The following CDK13 variants were observed in gnomAD, a reference collection of about 807,000 sequenced individuals.
CDK13 encodes the protein cyclin dependent kinase 13.
In CDK13, 40 loss-of-function variants were observed where a neutral mutation model predicts 137.6. The ratio of observed to expected loss-of-function variants is 0.29; its 90% confidence interval spans 0.23 to 0.38. The LOEUF is 0.38. CDK13 is among the 10% of genes least tolerant of loss of function. CDK13 has a pLI of 1.00. For synonymous variants in CDK13, 869 were observed against 760.1 expected, an observed-to-expected ratio of 1.14 and a Z score of -2.36; for missense variants, 1,704 against 1,951.8, an observed-to-expected ratio of 0.87 and a Z score of 2.39.
chr7:40,029,818 A>G (rs1785328906), intron 5 of CDK13, among the ~76,000 whole-genome samples: 1 of 151,760 alleles, frequency 6.6e-6, no homozygotes, highest in African/African-American at 2.4e-5. Context: ...GTGCCCTGCT[A>G]ATTTTTTGTA....
rs1239603171 is a variant in CDK13 at position 40,098,820 on chromosome 7, G to A, written c.*3840G>A. 1 of 151,974 alleles carries A rather than the reference G, an allele frequency of 6.6e-6. No individual in the cohort carries two copies. The highest frequency in any genetic ancestry group is 2.4e-5 in the African/African-American group (1 of 41,400). 9.4% of individuals were successfully genotyped at this position (151,974 alleles called of 1,614,324 possible). A position where few individuals can be genotyped will look rare whatever the true frequency, so the allele number is the denominator to read the frequency against. On this transcript the variant is annotated 3_prime_UTR_variant, in exon 14 of 14. Transcript: ENST00000181839. ...CTATTGGACTAATGGTTTAACACAA[G>A]TGGCTTTAAAAAGTCTGCTTAAAAA...
chr7:40,033,089 G>A (rs1785413500), intron 5 of CDK13, among the ~76,000 whole-genome samples: 3 of 152,040 alleles, frequency 2.0e-5, no homozygotes, highest in Admixed American at 2.0e-4. Flanking sequence ...TAGAGTACTT[G>A]GGATTATATG....
chr7:39,968,882 C>T (rs1220057252), intron 1 of CDK13, among the ~76,000 whole-genome samples: 1 of 152,196 alleles, frequency 6.6e-6, no homozygotes, highest in Admixed American at 6.5e-5. Context: ...TTACTTCTTA[C>T]CGTATATCCT....
At chr7:39,965,075 T>C (rs1301319458) in intron 1 of CDK13, among the ~76,000 whole-genome samples, 1 of 152,194 alleles carries the variant, frequency 6.6e-6, no homozygotes, top group Non-Finnish European at 1.5e-5. Context: ...AGGTGTGGTG[T>C]GGTGCTGAAA....
intron 12 of CDK13, among the ~76,000 whole-genome samples, chr7:40,091,072 A>AT (rs745522040): frequency 2.9e-4 from 44 of 151,942 alleles, no homozygotes; most frequent in Non-Finnish European, 4.3e-4. Flanking sequence ...CTGGCCGGGC[A>AT]TGGTGGCTCA....
At chr7:40,014,117 G>A (rs1784953879) in intron 5 of CDK13, among the ~76,000 whole-genome samples, 1 of 135,242 alleles carries the variant, frequency 7.4e-6, no homozygotes, top group South Asian at 2.3e-4. Context: ...TGCCCAGGCT[G>A]GAGTGCAGTG....
intron 1 of CDK13, among the ~76,000 whole-genome samples, chr7:39,964,818 G>T (rs1783831302): frequency 6.6e-6 from 1 of 151,986 alleles, no homozygotes; most frequent in Non-Finnish European, 1.5e-5. Flanking sequence ...ATTCTGGTAT[G>T]TTGTGTCTTT....
At chr7:39,999,665 T>C (rs994113772) in intron 4 of CDK13, among the ~76,000 whole-genome samples, 165 bp downstream of exon 4, 2 of 152,236 alleles carry the variant, frequency 1.3e-5, no homozygotes, top group Admixed American at 6.5e-5. Flanking sequence ...TTGTAAGATA[T>C]GAGTACATGT....
chr7:40,044,792 A>G (rs1330884657), intron 5 of CDK13, among the ~76,000 whole-genome samples: 3 of 151,992 alleles, frequency 2.0e-5, no homozygotes, highest in Non-Finnish European at 2.9e-5. Context: ...ATCCACCACC[A>G]TGCCAGGCTA....
intron 5 of CDK13, among the ~76,000 whole-genome samples, chr7:40,038,542 T>C (rs1268121157): frequency 6.6e-6 from 1 of 152,202 alleles, no homozygotes; most frequent in Non-Finnish European, 1.5e-5. Flanking sequence ...AGCTAGATAT[T>C]GCCAAATTTC....
At chr7:39,995,286 A>C (rs1784537529) in intron 2 of CDK13, among the ~76,000 whole-genome samples, 1 of 152,212 alleles carries the variant, frequency 6.6e-6, no homozygotes, top group African/African-American at 2.4e-5. Context: ...TTATAAGTGA[A>C]ATTAAGACTT....
intron 5 of CDK13, among the ~76,000 whole-genome samples, chr7:40,021,955 A>C (rs1785135798): frequency 6.6e-6 from 1 of 152,218 alleles, no homozygotes; most frequent in Non-Finnish European, 1.5e-5. Flanking sequence ...TTGAGGCAAG[A>C]TGCACACCTG....
At chr7:40,009,529 G>A (rs1352185794) in intron 5 of CDK13, among the ~76,000 whole-genome samples, 1 of 152,218 alleles carries the variant, frequency 6.6e-6, no homozygotes, top group Non-Finnish European at 1.5e-5. Flanking sequence ...AATCCTAGCA[G>A]TCAGTGGGTC....
chr7:40,018,237 A>G (rs535840489), intron 5 of CDK13, among the ~76,000 whole-genome samples: 69 of 152,228 alleles, frequency 4.5e-4, no homozygotes, highest in Non-Finnish European at 6.0e-4. Context: ...ATATTAATGT[A>G]ATGCTGGAGA....
At chr7:39,953,749 G>T (rs981304548) in intron 1 of CDK13, among the ~76,000 whole-genome samples, 1 of 152,172 alleles carries the variant, frequency 6.6e-6, no homozygotes, top group Non-Finnish European at 1.5e-5. Flanking sequence ...CTAAAGAGTT[G>T]AATTTGGAAG....
chr7:39,988,729 T>TA (rs111249298), intron 2 of CDK13, among the ~76,000 whole-genome samples: 5 of 151,976 alleles, frequency 3.3e-5, no homozygotes, highest in African/African-American at 4.8e-5. Context: ...CTCTTTTAAT[T>TA]AAAAAAAAAT....
At chr7:39,958,322 C>T (rs1174896275) in intron 1 of CDK13, among the ~76,000 whole-genome samples, 2 of 152,004 alleles carry the variant, frequency 1.3e-5, no homozygotes, top group Non-Finnish European at 2.9e-5. Flanking sequence ...ATTATTTCAC[C>T]TTTCTTAGAG....
chr7:40,088,447 CT>C (rs1272068985), intron 12 of CDK13, 116 bp downstream of exon 12: 1 of 787,358 alleles, frequency 1.3e-6, no homozygotes, highest in African/African-American at 1.7e-5. Context: ...CATTTATTCA[CT>C]GAACTAGACA....
At chr7:40,009,275 G>A (rs1413074242) in intron 5 of CDK13, among the ~76,000 whole-genome samples, 1 of 152,184 alleles carries the variant, frequency 6.6e-6, no homozygotes. Flanking sequence ...GTGAAATGTA[G>A]CCTGAACTAT....
Sources: gnomAD v4.1 joint callset for allele counts (sites outside exome capture counted in the v4.1 genomes callset) on GRCh38, gnomAD v4.1.1 for gene constraint, MANE v1.5 for transcripts, NCBI Gene and HGNC (gene_info 2026-07-23, HGNC 2026-07-21) for gene names.